The following HDGFL2 variants were observed in gnomAD, a reference collection of about 807,000 sequenced individuals.
The protein encoded by HDGFL2 is hepatoma-derived growth factor-related protein 2.
HDGFL2 carries 36 observed loss-of-function variants against 77.1 expected under a neutral mutation model. The ratio of observed to expected loss-of-function variants is 0.47; its 90% CI spans 0.36 to 0.62. The LOEUF is 0.62. Among genes scored for constraint, HDGFL2 ranks in the 20% least tolerant of loss-of-function variants. HDGFL2 has a pLI of 0.00. For missense variants in HDGFL2, 976 were observed against 973.4 expected, an observed-to-expected ratio of 1.00 and a Z score of -0.04; for synonymous variants, 463 against 413.1, an observed-to-expected ratio of 1.12 and a Z score of -1.46.
chr19:4,498,617 C>A (rs1033431109), intron 12 of HDGFL2, among the ~76,000 whole-genome samples, 197 bp from the exon 13 acceptor site: 48 of 152,194 alleles, frequency 3.2e-4, no homozygotes, highest in Admixed American at 1.8e-3. Flanking sequence ...AGGACCAACC[C>A]CCACGTACCT....
In HDGFL2 at chr19:4,475,262, CCT is replaced by C. The variant is rs757217202; in HGVS notation, c.73-9_73-8del. 13 of 1,612,952 alleles carry C rather than the reference CCT, an allele frequency of 8.1e-6. No homozygotes were observed. The East Asian group carries it at 2.7e-4, about 33-fold the overall frequency. On this transcript the variant is annotated splice_polypyrimidine_tract_variant and intron_variant, in intron 1 of 15. Coordinates refer to ENST00000616600, the MANE Select transcript of HDGFL2 (RefSeq NM_001001520.3). ...GTGGGTAAAGCCACCCCCTCACTGGCCTCTCACTGCAGATCGACGACATCGCG... is the reference window on the plus strand; with the variant it reads ...GTGGGTAAAGCCACCCCCTCACTGGCCTCACTGCAGATCGACGACATCGCG...
chr19:4,479,427 A>T (rs1196517931), intron 3 of HDGFL2, among the ~76,000 whole-genome samples: 1 of 151,852 alleles, frequency 6.6e-6, no homozygotes, highest in Non-Finnish European at 1.5e-5. Flanking sequence ...ACTAAAAAAA[A>T]AATACAGAAA....
intron 12 of HDGFL2, 116 bp from the exon 13 acceptor site, chr19:4,498,698 C>T (rs1975774495): frequency 2.9e-6 from 2 of 695,852 alleles, no homozygotes; most frequent in East Asian, 2.7e-5. Flanking sequence ...AGCTGTTCTG[C>T]AGATACAGCT....
chr19:4,497,760 C>A, intron 10 of HDGFL2, 198 bp from the exon 11 acceptor site: 1 of 582,092 alleles, frequency 1.7e-6, no homozygotes. Context: ...CTTTGGGCAG[C>A]TCGAGCCTGT....
At chr19:4,473,185 C>A in intron 1 of HDGFL2, among the ~76,000 whole-genome samples, 1 of 144,320 alleles carries the variant, frequency 6.9e-6, no homozygotes, top group Non-Finnish European at 1.5e-5. Flanking sequence ...CGGTCCTGGA[C>A]CTGAGGGAGC....
At chr19:4,495,708 C>T (rs1975684173) in intron 9 of HDGFL2, among the ~76,000 whole-genome samples, 3 of 152,196 alleles carry the variant, frequency 2.0e-5, no homozygotes, top group African/African-American at 2.4e-5. Flanking sequence ...GGCCCTCACT[C>T]GGGTGCTCTC....
chr19:4,498,279 C>G, intron 11 of HDGFL2, 27 bp from the exon 12 acceptor site: 1 of 1,600,474 alleles, frequency 6.2e-7, no homozygotes, highest in Non-Finnish European at 8.6e-7. Context: ...TGCCTGGGCC[C>G]ACACGGTGCT....
Position 4,494,315 on chromosome 19 carries a change from A to G in HDGFL2, c.1064A>G (p.Glu355Gly). The G allele has an allele frequency of 7.0e-7, 1 of 1,427,546 alleles. No individual in the cohort carries two copies. Among genetic ancestry groups the G allele is most frequent in the Non-Finnish European group, 9.1e-7 (1 of 1,094,086 alleles). 88.4% of individuals were successfully genotyped at this position (1,427,546 alleles called of 1,614,324 possible). ...QEKEEKERRR[E>G]RADRGEAERG... ...AAGGAGGAGAAGGAGCGGAGGCGCG[A>G]GCGGGCCGACCGCGGGGAGGCTGAG... Residue 355 changes from glutamate (E) to glycine (G), a missense_variant, in exon 9 of 16, where the codon GAG (glutamate) becomes GGG (glycine). By Grantham distance (98) the Glu-to-Gly change is moderately conservative (BLOSUM62 -2). This residue lies in a region of HDGFL2 where 567 missense variants were observed against 534.7 expected (regional missense o/e 1.06). Coordinates refer to ENST00000616600, the MANE Select transcript of HDGFL2 (RefSeq NM_001001520.3).
chr19:4,490,146 G>A (rs1377482746), intron 4 of HDGFL2, among the ~76,000 whole-genome samples: 3 of 152,156 alleles, frequency 2.0e-5, no homozygotes, highest in Admixed American at 1.3e-4. Flanking sequence ...GGAGTGCAAT[G>A]GCATGATCTC....
intron 1 of HDGFL2, among the ~76,000 whole-genome samples, chr19:4,472,935 G>T (rs1004180739): frequency 1.3e-4 from 19 of 151,704 alleles, no homozygotes; most frequent in African/African-American, 4.6e-4. Context: ...CGCGCCTAGG[G>T]GTTCTGAGGG....
Position 4,502,088 on chromosome 19 carries a change from A to G in HDGFL2, c.*78A>G, listed in dbSNP as rs373917045. On this transcript the variant is annotated 3_prime_UTR_variant, in exon 16 of 16. Transcript: ENST00000616600. ...TCCCCGGCTCGCAGGAGAGCAGAGC[A>G]GAGAACTGTGGGGAACGCTGTGCTG... is the stretch of plus-strand genomic sequence containing the variant. The G allele has an allele frequency of 2.2e-5, 23 of 1,033,720 alleles. No homozygotes were observed. In the South Asian group the frequency reaches 2.7e-4, roughly 12 times the overall value. 64.0% of individuals were successfully genotyped at this position (1,033,720 alleles called of 1,614,324 possible). A position where few individuals can be genotyped will look rare whatever the true frequency, so the allele number is the denominator to read the frequency against.
chr19:4,497,786 C>T (rs982339884), intron 10 of HDGFL2, 172 bp from the exon 11 acceptor site: 5 of 614,562 alleles, frequency 8.1e-6, no homozygotes, highest in Non-Finnish European at 1.1e-5. Context: ...CCCTGGTCTG[C>T]CCTAGGCCTA....
intron 9 of HDGFL2, among the ~76,000 whole-genome samples, chr19:4,495,607 C>T (rs1040492271): frequency 6.6e-6 from 1 of 151,466 alleles, no homozygotes. Context: ...ACAGAGCAGG[C>T]CGGGTAGGGC....
intron 10 of HDGFL2, chr19:4,497,353 A>G: frequency 3.0e-6 from 1 of 328,418 alleles, no homozygotes; most frequent in Non-Finnish European, 6.0e-6. Flanking sequence ...GTGTGCCACC[A>G]CACCCGGCTA....
chr19:4,475,414 C>G, intron 2 of HDGFL2, 31 bp from the exon 3 acceptor site: 1 of 1,613,954 alleles, frequency 6.2e-7, no homozygotes, highest in Non-Finnish European at 8.5e-7. Context: ...GCCTCACTCA[C>G]CTGGGACTGG....
chr19:4,478,374 G>A (rs1272684228), intron 3 of HDGFL2, among the ~76,000 whole-genome samples: 1 of 151,612 alleles, frequency 6.6e-6, no homozygotes, highest in Non-Finnish European at 1.5e-5. Context: ...GGCTAATTTT[G>A]TATTTTTAGT....
intron 15 of HDGFL2, 39 bp from the exon 16 acceptor site, chr19:4,501,872 G>GGGA: frequency 7.2e-7 from 1 of 1,388,558 alleles, no homozygotes. Flanking sequence ...GGGCAGGGGC[G>GGGA]GGAGGGCATC....
intron 3 of HDGFL2, among the ~76,000 whole-genome samples, chr19:4,477,379 G>A (rs1975099814): frequency 6.6e-6 from 1 of 152,186 alleles, no homozygotes; most frequent in South Asian, 2.1e-4. Flanking sequence ...GCCCACCGAT[G>A]TTGCATGCTG....
chr19:4,491,876 G>A, intron 6 of HDGFL2, 41 bp downstream of exon 6: 2 of 1,571,310 alleles, frequency 1.3e-6, no homozygotes, highest in Non-Finnish European at 1.8e-6. Context: ...CCACTCGTGG[G>A]GCACCTCTGC....
Sources: gnomAD v4.1 joint callset for allele counts (sites outside exome capture counted in the v4.1 genomes callset) on GRCh38, gnomAD v4.1.1 for gene constraint, gnomAD v4.1.1 regional missense constraint, MANE v1.5 for transcripts, NCBI Gene and HGNC (gene_info 2026-07-23, HGNC 2026-07-21) for gene names.